Variants in PDE7A observed in about 807,000 individuals in gnomAD.
The protein encoded by PDE7A is phosphodiesterase 7A, also known as high affinity 3',5'-cyclic-AMP phosphodiesterase 7A.
Under a neutral mutation model 64.3 loss-of-function variants are expected in PDE7A, and 39 were observed. The observed-to-expected ratio is 0.61, with a 90% CI of 0.47 to 0.79. The LOEUF is 0.79. Among genes scored for constraint, PDE7A ranks in the 30% least tolerant of loss-of-function variants. PDE7A has a pLI of 0.00. For synonymous variants in PDE7A, 203 were observed against 206.8 expected (o/e 0.98, Z 0.16); for missense variants, 470 against 582.8 (o/e 0.81, Z 1.99).
chr8:65,825,165 A>C (rs1005843065), intron 1 of PDE7A, among the ~76,000 whole-genome samples: 6 of 152,206 alleles, frequency 3.9e-5, no homozygotes, highest in South Asian at 2.1e-4. Flanking sequence ...AATAGTGGTT[A>C]TCTCTCAGTG....
chr8:65,719,349 T>G lies in PDE7A; in HGVS notation c.1390A>C (p.Thr464Pro), dbSNP rs1277728505. 6.2e-7 allele frequency: 1 copy of G among 1,614,062 alleles called. No individual in the cohort carries two copies. The highest frequency in any genetic ancestry group is 1.3e-5 in the African/African-American group (1 of 74,940). Reference sequence around the variant, plus strand: ...GAGTTCAACTCAAATGCAGCATCAGTGTCCTCACTGCTCGACTGTTCTCTC... The same window carrying G: ...GAGTTCAACTCAAATGCAGCATCAGGGTCCTCACTGCTCGACTGTTCTCTC... ...LQREQSSSED[T>P]DAAFELNSQL... The change falls in exon 13 of 13, where the codon ACT becomes CCT. Residue 464 changes from threonine (T) to proline (P), a missense_variant. Transcript: ENST00000401827.
intron 1 of PDE7A, among the ~76,000 whole-genome samples, chr8:65,798,206 A>ATATATATATATATATTTTTTTT: frequency 2.7e-5 from 2 of 73,808 alleles, no homozygotes; most frequent in African/African-American, 1.2e-4. Context: ...ATATATATAT[A>ATATATATATATATATTTTTTTT]TTTTTTTTTT....
intron 7 of PDE7A, among the ~76,000 whole-genome samples, chr8:65,730,393 T>C (rs562981170): frequency 1.3e-4 from 19 of 151,644 alleles, no homozygotes; most frequent in African/African-American, 4.1e-4. Context: ...TTGGTCAGGC[T>C]GGTCTCGAAC....
At chr8:65,814,237 C>G (rs977465009) in intron 1 of PDE7A, among the ~76,000 whole-genome samples, 1 of 152,022 alleles carries the variant, frequency 6.6e-6, no homozygotes, top group African/African-American at 2.4e-5. Flanking sequence ...TTCGGCCGGG[C>G]GCGGTGGCTC....
At chr8:65,727,125 C>T (rs1806643922) in intron 8 of PDE7A, 45 bp downstream of exon 8, 3 of 1,228,704 alleles carry the variant, frequency 2.4e-6, no homozygotes, top group Non-Finnish European at 3.5e-6. Flanking sequence ...GAAAGATTTT[C>T]TAGAATGCAA....
intron 1 of PDE7A, among the ~76,000 whole-genome samples, chr8:65,800,016 G>GT (rs775395429): frequency 7.9e-5 from 12 of 152,174 alleles, no homozygotes; most frequent in Non-Finnish European, 1.6e-4. Flanking sequence ...AGCCCCAGAG[G>GT]TAACTACTAA....
At chr8:65,766,881 G>A (rs1199219751) in intron 3 of PDE7A, among the ~76,000 whole-genome samples, 1 of 152,140 alleles carries the variant, frequency 6.6e-6, no homozygotes, top group East Asian at 1.9e-4. Context: ...GCAGGTCTGA[G>A]GATTAGGAAT....
chr8:65,724,215 G>T lies in PDE7A; in HGVS notation c.1162+40C>A, dbSNP rs370427800. ...TATTCTTACGATGTTAAAAAAAAATGAACTGGATAGATTAATTATCACTCA... is the reference window on the plus strand; with the variant it reads ...TATTCTTACGATGTTAAAAAAAAATTAACTGGATAGATTAATTATCACTCA... On this transcript the variant is annotated intron_variant, in intron 11 of 12. Transcript: ENST00000401827. The T allele has an allele frequency of 1.5e-5, 19 of 1,271,180 alleles. No individual in the cohort carries two copies. The African/African-American group carries it at 2.3e-4, about 16-fold the overall frequency. 78.7% of individuals were successfully genotyped at this position (1,271,180 alleles called of 1,614,324 possible). A position where few individuals can be genotyped will look rare whatever the true frequency, so the allele number is the denominator to read the frequency against.
intron 6 of PDE7A, among the ~76,000 whole-genome samples, chr8:65,738,273 C>A (rs752564175): frequency 8.1e-6 from 1 of 123,870 alleles, no homozygotes; most frequent in Non-Finnish European, 1.6e-5. Flanking sequence ...TTGTATATAA[C>A]CAAATAAATT....
chr8:65,823,514 T>C (rs1206475402), intron 1 of PDE7A, among the ~76,000 whole-genome samples: 1 of 152,194 alleles, frequency 6.6e-6, no homozygotes. Flanking sequence ...CATCACAAAA[T>C]TAAAAATACT....
At chr8:65,754,623 C>T (rs983341668) in intron 3 of PDE7A, among the ~76,000 whole-genome samples, 3 of 151,174 alleles carry the variant, frequency 2.0e-5, no homozygotes, top group East Asian at 2.0e-4. Flanking sequence ...GGCTGAGCCA[C>T]CATGCCCAGC....
At position 65,820,456 on chromosome 8, in the gene PDE7A, A is replaced by G. The variant is rs567706662; in HGVS notation, c.138+20915T>C. 2.0e-5 allele frequency among the ~76,000 whole-genome samples: 3 copies of G among 152,356 alleles called. No homozygotes were observed. The South Asian group carries it at 6.2e-4, about 32-fold the overall frequency. ...TAAAATTAAATGTACCAAATGATCAAAACTACCTTAAAATATGTATATAAA... is the reference window on the plus strand; with the variant it reads ...TAAAATTAAATGTACCAAATGATCAGAACTACCTTAAAATATGTATATAAA... On this transcript the variant is annotated intron_variant, in intron 1 of 12. Coordinates refer to ENST00000401827, the MANE Select transcript of PDE7A (RefSeq NM_001242318.3).
chr8:65,747,292 G>A (rs1247720289), intron 4 of PDE7A, among the ~76,000 whole-genome samples: 1 of 152,162 alleles, frequency 6.6e-6, no homozygotes, highest in African/African-American at 2.4e-5. Flanking sequence ...TGCTCTCTTG[G>A]ACTCAGTTTC....
intron 1 of PDE7A, among the ~76,000 whole-genome samples, chr8:65,798,764 TA>T (rs746801696): frequency 3.9e-5 from 6 of 152,174 alleles, no homozygotes; most frequent in Non-Finnish European, 7.3e-5. Flanking sequence ...TCATGCTAAT[TA>T]AAATGTATAT....
intron 3 of PDE7A, among the ~76,000 whole-genome samples, chr8:65,752,449 T>C (rs1173133389): frequency 6.6e-5 from 10 of 152,246 alleles, no homozygotes; most frequent in Admixed American, 5.2e-4. Context: ...TGGTTCTCCT[T>C]TTCCTTTCTT....
intron 5 of PDE7A, among the ~76,000 whole-genome samples, chr8:65,740,237 C>T (rs1241506183): frequency 6.6e-6 from 1 of 152,108 alleles, no homozygotes; most frequent in African/African-American, 2.4e-5. Context: ...CAACACTGCC[C>T]AGCAATCATA....
At chr8:65,734,497 C>T (rs889370591) in intron 7 of PDE7A, among the ~76,000 whole-genome samples, 4 of 152,158 alleles carry the variant, frequency 2.6e-5, no homozygotes, top group African/African-American at 9.7e-5. Flanking sequence ...CAGACCAAGG[C>T]TGTCCCTGCC....
chr8:65,740,459 G>A (rs1807365797), intron 5 of PDE7A, among the ~76,000 whole-genome samples: 1 of 152,024 alleles, frequency 6.6e-6, no homozygotes, highest in Admixed American at 6.6e-5. Context: ...GGAGTACAAT[G>A]GTGCGATCTT....
chr8:65,827,610 T>C (rs141952884), intron 1 of PDE7A, among the ~76,000 whole-genome samples: 245 of 152,326 alleles, frequency 1.6e-3, no homozygotes, highest in African/African-American at 3.9e-3. Context: ...TATTCAATAA[T>C]GAATAGCATG....
Sources: allele counts gnomAD v4.1 joint callset (sites outside exome capture counted in the v4.1 genomes callset), GRCh38; gene constraint gnomAD v4.1.1; transcripts MANE v1.5; gene names NCBI Gene and HGNC (gene_info 2026-07-23, HGNC 2026-07-21).